APLF: variants seen among roughly 807,000 people sequenced by gnomAD.
APLF encodes aprataxin and PNK-like factor.
A neutral mutation model predicts 55.6 loss-of-function variants in APLF; 61 were observed. That is an observed-to-expected ratio of 1.10 (90% CI 0.89 to 1.36). The LOEUF is 1.36. APLF is among the 40% of genes most tolerant of loss of function. The pLI is 0.00. For synonymous variants in APLF, 207 were observed against 214.8 expected, an observed-to-expected ratio of 0.96 and a Z score of 0.32; for missense variants, 611 against 602.5, an observed-to-expected ratio of 1.01 and a Z score of -0.15.
At chr2:68,500,221 G>A (rs568811835) in intron 2 of APLF, among the ~76,000 whole-genome samples, 3 of 152,252 alleles carry the variant, frequency 2.0e-5, no homozygotes, top group Admixed American at 6.5e-5. Context: ...TTAGGTTTAC[G>A]TTAGAGGATC....
intron 1 of APLF, among the ~76,000 whole-genome samples, 169 bp downstream of exon 1, chr2:68,467,996 A>G (rs374836840): frequency 1.3e-5 from 2 of 152,236 alleles, no homozygotes; most frequent in South Asian, 4.2e-4. Context: ...CAATTCACAA[A>G]CATTTCTTTA....
chr2:68,560,279 G>A (rs1335351116), intron 8 of APLF, among the ~76,000 whole-genome samples: 1 of 152,080 alleles, frequency 6.6e-6, no homozygotes, highest in Non-Finnish European at 1.5e-5. Flanking sequence ...TACTGACTGA[G>A]TCTCTGGAAC....
intron 1 of APLF, among the ~76,000 whole-genome samples, chr2:68,488,449 G>A (rs1159459024): frequency 6.7e-6 from 1 of 149,932 alleles, no homozygotes; most frequent in Non-Finnish European, 1.5e-5. Flanking sequence ...TCATACCTCA[G>A]CCTCCCAAGT....
intron 1 of APLF, among the ~76,000 whole-genome samples, chr2:68,487,536 C>A (rs973998999): frequency 5.9e-5 from 9 of 152,006 alleles, no homozygotes; most frequent in African/African-American, 2.2e-4. Context: ...TGATACATGA[C>A]AAGTCTAGAA....
chr2:68,556,746 G>C (rs892863786), intron 8 of APLF, among the ~76,000 whole-genome samples: 1 of 152,054 alleles, frequency 6.6e-6, no homozygotes, highest in Non-Finnish European at 1.5e-5. Context: ...TGAAAATGTT[G>C]GTGTCTTGAT....
At chr2:68,488,842 A>G (rs756319690) in intron 1 of APLF, among the ~76,000 whole-genome samples, 1 of 152,140 alleles carries the variant, frequency 6.6e-6, no homozygotes, top group Non-Finnish European at 1.5e-5. Context: ...TTTTTAGCCT[A>G]CTAAGGTACA....
At chr2:68,493,571 A>G (rs754598789) in intron 2 of APLF, among the ~76,000 whole-genome samples, 2 of 152,242 alleles carry the variant, frequency 1.3e-5, no homozygotes, top group African/African-American at 2.4e-5. Flanking sequence ...GATAACTACA[A>G]CAGGGAGAAG....
In APLF at chr2:68,467,664, G is replaced by C. The variant is rs1675469749; in HGVS notation, c.-68G>C. On this transcript the variant is annotated 5_prime_UTR_variant, in exon 1 of 10. Coordinates refer to ENST00000303795, the MANE Select transcript of APLF (RefSeq NM_173545.3). ...CCCAGGGCGTGGGCTTGCCCCGCGC[G>C]TGTCTGTGGAGGGCGGAAACAGCGG... 8.4e-7 allele frequency: 1 copy of C among 1,187,670 alleles called. No homozygotes were observed. The highest frequency in any genetic ancestry group is 1.1e-6 in the Non-Finnish European group (1 of 945,570). 73.6% of individuals were successfully genotyped at this position (1,187,670 alleles called of 1,614,324 possible).
chr2:68,535,250 CTTAT>C, intron 6 of APLF: 1 of 392,060 alleles, frequency 2.6e-6, no homozygotes, highest in Non-Finnish European at 5.1e-6. Context: ...TTTTCATTGG[CTTAT>C]TTTTTATTTT....
At chr2:68,500,927 T>C (rs1156805602) in intron 2 of APLF, among the ~76,000 whole-genome samples, 2 of 152,194 alleles carry the variant, frequency 1.3e-5, no homozygotes, top group African/African-American at 4.8e-5. Flanking sequence ...AGAGAGAAAT[T>C]AGGAGTGGCT....
intron 6 of APLF, chr2:68,528,805 G>A (rs1457058256): frequency 4.0e-6 from 6 of 1,485,624 alleles, no homozygotes; most frequent in African/African-American, 2.8e-5. Flanking sequence ...TGTCAGTCTG[G>A]TTGTTTTCTG....
chr2:68,511,053 T>C (rs1366454226), intron 3 of APLF, among the ~76,000 whole-genome samples: 1 of 151,802 alleles, frequency 6.6e-6, no homozygotes, highest in African/African-American at 2.4e-5. Flanking sequence ...GCATATGGAA[T>C]TTCTTTTTGA....
At position 68,526,120 on chromosome 2, in the gene APLF, A is replaced by C; in HGVS notation, c.682A>C (p.Thr228Pro). ...CTGCAAAGATAAATCCCAGCTAAAC[A>C]CAACCCAGCAAGGAAGAAGGCAATT... The part of the protein sequence containing the change: ...EICKDKSQLN[T>P]TQQGRRQLIS... The change falls in exon 6 of 10, where the codon ACA (threonine) becomes CCA (proline). Residue 228 changes from threonine (T) to proline (P), a missense_variant. Transcript: ENST00000303795. The C allele has an allele frequency of 6.2e-7, 1 of 1,613,988 alleles. No homozygotes were observed.
intron 3 of APLF, among the ~76,000 whole-genome samples, chr2:68,504,085 TTAAAA>T (rs1439013291): frequency 1.3e-5 from 2 of 151,974 alleles, no homozygotes; most frequent in Non-Finnish European, 2.9e-5. Context: ...AATTTGGCAG[TTAAAA>T]TGAATGGGTA....
chr2:68,533,746 C>T (rs1254307207), intron 6 of APLF, among the ~76,000 whole-genome samples: 2 of 152,190 alleles, frequency 1.3e-5, no homozygotes, highest in African/African-American at 2.4e-5. Context: ...CTTCACCTGA[C>T]ATCTGGGCCC....
intron 8 of APLF, among the ~76,000 whole-genome samples, chr2:68,560,429 G>GC (rs1261117556): frequency 3.4e-5 from 5 of 147,480 alleles, no homozygotes; most frequent in Non-Finnish European, 4.5e-5. Context: ...GAAATATTAG[G>GC]GTCAAATTTT....
intron 1 of APLF, among the ~76,000 whole-genome samples, chr2:68,487,154 A>G (rs562679252): frequency 6.6e-6 from 1 of 152,150 alleles, no homozygotes; most frequent in Admixed American, 6.5e-5. Flanking sequence ...GCAGGACCAA[A>G]TGAAAGCCTG....
intron 1 of APLF, among the ~76,000 whole-genome samples, chr2:68,472,977 A>G (rs1442303635): frequency 6.6e-6 from 1 of 152,192 alleles, no homozygotes; most frequent in Non-Finnish European, 1.5e-5. Context: ...CATTCTACAC[A>G]GTATGGTATG....
chr2:68,579,879 C>G lies in APLF; in HGVS notation c.*1857C>G. 2.8e-6 allele frequency: 1 copy of G among 362,490 alleles called. No homozygotes were observed. Among genetic ancestry groups the G allele is most frequent in the Non-Finnish European group, 3.8e-6 (1 of 260,670 alleles). 22.5% of individuals were successfully genotyped at this position (362,490 alleles called of 1,614,324 possible). A position where few individuals can be genotyped will look rare whatever the true frequency, so the allele number is the denominator to read the frequency against. On this transcript the variant is annotated 3_prime_UTR_variant, in exon 10 of 10. Coordinates refer to ENST00000303795, the MANE Select transcript of APLF (RefSeq NM_173545.3). ...TTAGATGGCAGTGATGGTTGCACAA[C>G]TCTGTAAATATATTACAAACAATGC...
Sources: gnomAD v4.1 joint callset for allele counts (sites outside exome capture counted in the v4.1 genomes callset) on GRCh38, gnomAD v4.1.1 for gene constraint, MANE v1.5 for transcripts, NCBI Gene and HGNC (gene_info 2026-07-23, HGNC 2026-07-21) for gene names.